Variants in ZC3H12C observed in about 807,000 individuals in gnomAD.
ZC3H12C encodes the protein zinc finger CCCH-type containing 12C, also known as probable ribonuclease ZC3H12C.
A neutral mutation model predicts 76.3 loss-of-function variants in ZC3H12C; 20 were observed. That is an observed-to-expected ratio of 0.26 (90% CI 0.18 to 0.38). The LOEUF (loss-of-function observed/expected upper bound fraction) is 0.38, where lower values mean the gene tolerates loss of function less well. ZC3H12C is among the 10% of genes least tolerant of loss of function. The probability of loss-of-function intolerance (pLI) is 1.00; values close to 1 mark genes in which losing one functional copy is unlikely to be tolerated. For synonymous variants in ZC3H12C, 352 were observed against 399.6 expected (o/e 0.88, Z 1.42); for missense variants, 874 against 1,086.5 (o/e 0.80, Z 2.75).
chr11:110,136,716 A>T lies in ZC3H12C; in HGVS notation c.75A>T (p.Ser25=). ...ACAGAAAAAACAGCAAAGTGGAGTC[A>T]AGTACACGTAACAACTTCATGGGCT... ...QEYRKNSKVE[S]STRNNFMGLK... The change falls in exon 2 of 6, where the codon TCA becomes TCT. Residue 25 remains serine, a synonymous_variant. Transcript: ENST00000278590. 6.2e-7 allele frequency: 1 copy of T among 1,613,980 alleles called. No individual in the cohort carries two copies.
chr11:110,114,485 CCTCCGTCTTTAA>C (rs1215508222), intron 1 of ZC3H12C, among the ~76,000 whole-genome samples: 7 of 152,138 alleles, frequency 4.6e-5, no homozygotes, highest in Non-Finnish European at 8.8e-5. Context: ...ATGTTTGTAA[CCTCCGTCTTTAA>C]CTAAGCATCA....
chr11:110,168,302 T>C lies in ZC3H12C; in HGVS notation c.*2565T>C, dbSNP rs1005772631. ...GAGTTTAAAAATAGCAGTTTTCTTA[T>C]GTGAAGAGGACAGTTTGTCCCCTTT... On this transcript the variant is annotated 3_prime_UTR_variant, in exon 6 of 6. Transcript: ENST00000278590. 1 of 152,170 alleles carries C rather than the reference T, an allele frequency of 6.6e-6. No individual in the cohort carries two copies. Among genetic ancestry groups the C allele is most frequent in the Non-Finnish European group, 1.5e-5 (1 of 68,010 alleles). 9.4% of individuals were successfully genotyped at this position (152,170 alleles called of 1,614,324 possible). A position where few individuals can be genotyped will look rare whatever the true frequency, so the allele number is the denominator to read the frequency against.
At chr11:110,111,259 A>G (rs545105464) in intron 1 of ZC3H12C, among the ~76,000 whole-genome samples, 68 of 152,314 alleles carry the variant, frequency 4.5e-4, no homozygotes, top group African/African-American at 1.6e-3. Context: ...ATTTTACTAG[A>G]TTGGATACTT....
In ZC3H12C at chr11:110,170,422, T is replaced by C. The variant is rs1862656341; in HGVS notation, c.*4685T>C. 2 of 152,340 alleles carry C rather than the reference T, an allele frequency of 1.3e-5. No homozygotes were observed. The highest frequency in any genetic ancestry group is 4.1e-4 in the South Asian group (2 of 4,834). The allele number at this position is 152,340 out of a possible 1,614,324, so 9.4% of individuals were successfully genotyped here. A position where few individuals can be genotyped will look rare whatever the true frequency, so the allele number is the denominator to read the frequency against. On this transcript the variant is annotated 3_prime_UTR_variant, in exon 6 of 6. Coordinates refer to ENST00000278590, the MANE Select transcript of ZC3H12C (RefSeq NM_033390.2). ...GTTTTGGCTTCTAATAAATAACATA[T>C]CTGCCATTCTTTAAAAATGATTTTA...
At chr11:110,126,807 A>G (rs1313098179) in intron 1 of ZC3H12C, among the ~76,000 whole-genome samples, 1 of 152,206 alleles carries the variant, frequency 6.6e-6, no homozygotes, top group Non-Finnish European at 1.5e-5. Flanking sequence ...TCTACCCAAT[A>G]TTCATATTTT....
chr11:110,169,826 A>G lies in ZC3H12C; in HGVS notation c.*4089A>G, dbSNP rs886364198. 6.6e-6 allele frequency: 1 copy of G among 152,232 alleles called. No homozygotes were observed. Among genetic ancestry groups the G allele is most frequent in the African/African-American group, 2.4e-5 (1 of 41,452 alleles). 9.4% of individuals were successfully genotyped at this position (152,232 alleles called of 1,614,324 possible). A position where few individuals can be genotyped will look rare whatever the true frequency, so the allele number is the denominator to read the frequency against. On this transcript the variant is annotated 3_prime_UTR_variant, in exon 6 of 6. Transcript: ENST00000278590. ...TTCTGTAAAGGATCAGATAGTAAAT[A>G]ATACAGGAATCATATGGACTTCAAA...
At chr11:110,108,094 C>T (rs756691829) in intron 1 of ZC3H12C, among the ~76,000 whole-genome samples, 3 of 152,104 alleles carry the variant, frequency 2.0e-5, no homozygotes, top group South Asian at 2.1e-4. Flanking sequence ...CCCACAGATG[C>T]GTGCCAACAC....
chr11:110,126,272 G>A (rs189411006), intron 1 of ZC3H12C, among the ~76,000 whole-genome samples: 1 of 145,128 alleles, frequency 6.9e-6, no homozygotes, highest in African/African-American at 2.6e-5. Context: ...TGCCCAGGCT[G>A]GAGTGCAACT....
chr11:110,126,456 G>A (rs1861750114), intron 1 of ZC3H12C, among the ~76,000 whole-genome samples: 1 of 152,134 alleles, frequency 6.6e-6, no homozygotes, highest in Non-Finnish European at 1.5e-5. Context: ...CTGGGCTCAA[G>A]CAGTCCTCCT....
intron 1 of ZC3H12C, 62 bp downstream of exon 1, chr11:110,093,494 G>A (rs1239879393): frequency 2.1e-5 from 25 of 1,163,496 alleles, no homozygotes; most frequent in Non-Finnish European, 2.7e-5. Flanking sequence ...TGGGGTAGCC[G>A]GTCGTGGGGA....
At chr11:110,130,960 A>C in intron 1 of ZC3H12C, 3 of 1,436,392 alleles carry the variant, frequency 2.1e-6, no homozygotes, top group Non-Finnish European at 2.8e-6. Flanking sequence ...CCACTCGGTA[A>C]TAGGTTAAGC....
At chr11:110,100,732 C>T (rs1015068743) in intron 1 of ZC3H12C, among the ~76,000 whole-genome samples, 2 of 152,110 alleles carry the variant, frequency 1.3e-5, no homozygotes, top group South Asian at 2.1e-4. Flanking sequence ...AGTGCTCCAT[C>T]GACCAGCCGT....
intron 2 of ZC3H12C, among the ~76,000 whole-genome samples, chr11:110,145,665 T>A (rs1862153792): frequency 6.6e-6 from 1 of 152,100 alleles, no homozygotes; most frequent in African/African-American, 2.4e-5. Context: ...GTATTTTAGC[T>A]GCCACTGATG....
chr11:110,114,225 C>T (rs1279600826), intron 1 of ZC3H12C, among the ~76,000 whole-genome samples: 4 of 152,090 alleles, frequency 2.6e-5, no homozygotes, highest in African/African-American at 9.7e-5. Context: ...CTTTGCCTCA[C>T]CTTACTCCCC....
At chr11:110,136,631 T>C in intron 1 of ZC3H12C, 32 bp from the exon 2 acceptor site, 5 of 1,586,820 alleles carry the variant, frequency 3.2e-6, no homozygotes, top group Non-Finnish European at 4.3e-6. Flanking sequence ...GCCATAACTA[T>C]GAAATTCTAA....
chr11:110,093,449 G>T lies in ZC3H12C; in HGVS notation c.21+17G>T, dbSNP rs1350189796. 14 of 1,205,778 alleles carry T rather than the reference G, an allele frequency of 1.2e-5. No homozygotes were observed. Among genetic ancestry groups the T allele is most frequent in the East Asian group, 3.5e-5 (1 of 28,178 alleles). The allele number at this position is 1,205,778 out of a possible 1,614,324, so 74.7% of individuals were successfully genotyped here. A position where few individuals can be genotyped will look rare whatever the true frequency, so the allele number is the denominator to read the frequency against. Reference sequence around the variant, plus strand: ...GGCTCCCAGGTTTGTCCTCGGGAAGGGGGTGGGGGACGCGGACCGCGGCGA... The same window carrying T: ...GGCTCCCAGGTTTGTCCTCGGGAAGTGGGTGGGGGACGCGGACCGCGGCGA... On this transcript the variant is annotated intron_variant, in intron 1 of 5. Transcript: ENST00000278590.
intron 2 of ZC3H12C, among the ~76,000 whole-genome samples, chr11:110,148,333 A>T (rs1862207640): frequency 1.3e-5 from 2 of 152,218 alleles, no homozygotes; most frequent in Admixed American, 6.5e-5. Context: ...AGAGAATAAA[A>T]GAAGCCTTTT....
chr11:110,153,276 C>T (rs4754422), intron 3 of ZC3H12C, among the ~76,000 whole-genome samples: 104,517 of 151,826 alleles, frequency 0.69, 36,768 homozygotes, highest in South Asian at 0.79. Context: ...CAACCTCCGC[C>T]TCCCAGGTTC....
chr11:110,116,553 A>G (rs1234813157), intron 1 of ZC3H12C, among the ~76,000 whole-genome samples: 1 of 152,216 alleles, frequency 6.6e-6, no homozygotes, highest in Non-Finnish European at 1.5e-5. Flanking sequence ...TTGCCTGCAT[A>G]ATATTCTTCT....
Sources: allele counts gnomAD v4.1 joint callset (sites outside exome capture counted in the v4.1 genomes callset), GRCh38; gene constraint gnomAD v4.1.1; transcripts MANE v1.5; gene names NCBI Gene and HGNC (gene_info 2026-07-23, HGNC 2026-07-21).